ZNF185: variants seen among roughly 807,000 people sequenced by gnomAD.
ZNF185 encodes the protein zinc finger protein 185.
ZNF185 carries 56 observed loss-of-function variants against 58.6 expected under a neutral mutation model. That is an observed-to-expected ratio of 0.95 (90% CI 0.77 to 1.19). The LOEUF (loss-of-function observed/expected upper bound fraction) is 1.19. ZNF185 is among the 50% of genes most tolerant of loss of function. The pLI, the probability that ZNF185 is intolerant of heterozygous loss-of-function variation, is 0.00. For synonymous variants in ZNF185, 230 were observed against 215.9 expected (o/e 1.07, Z -0.57); for missense variants, 627 against 573.5 (o/e 1.09, Z -0.95).
At chrX:152,964,988 C>T (rs1216383133) in intron 18 of ZNF185, among the ~76,000 whole-genome samples, 1 of 111,617 alleles carries the variant, frequency 9.0e-6, no homozygotes, top group East Asian at 2.8e-4. Flanking sequence ...GTGGAGATTG[C>T]ACAGTAGCTG....
the ZNF185 span, among the ~76,000 whole-genome samples, chrX:152,900,825 C>T: frequency 8.9e-6 from 1 of 112,494 alleles, no homozygotes; most frequent in Non-Finnish European, 1.9e-5. Flanking sequence ...TGGGTTCAAA[C>T]CCCAGCTCAG....
At chrX:152,931,816 A>T (rs782779909) in intron 13 of ZNF185, 40 bp downstream of exon 14, 1 of 1,107,368 alleles carries the variant, frequency 9.0e-7, no homozygotes. Context: ...TTCCCAGAAC[A>T]CGGAGCCCAC....
rs1403968313 is a variant in ZNF185 at position 152,969,363 on chromosome X, A to G, written c.1872-19A>G. On this transcript the variant is annotated intron_variant, in intron 20 of 22. Coordinates refer to ENST00000449285, the Ensembl canonical transcript of ZNF185. The stretch of plus-strand genomic sequence containing the variant: ...TGTACACCAGCCTGACCACCGGGTT[A>G]TTGTTCTTCATCTCACAGGACAACT... 2 of 1,179,068 alleles carry G rather than the reference A, an allele frequency of 1.7e-6. No homozygotes were observed. The highest frequency in any genetic ancestry group is 1.8e-5 in the African/African-American group (1 of 56,539).
intron 16 of ZNF185, among the ~76,000 whole-genome samples, chrX:152,950,694 G>C (rs1007515852): frequency 9.0e-6 from 1 of 111,575 alleles, no homozygotes; most frequent in Admixed American, 9.6e-5. Flanking sequence ...TTTTCCAGAA[G>C]GTCCCTGGCA....
chrX:152,939,745 C>T (rs2046936148), intron 15 of ZNF185, among the ~76,000 whole-genome samples: 2 of 103,226 alleles, frequency 1.9e-5, no homozygotes, highest in Non-Finnish European at 3.9e-5. Flanking sequence ...CTACTTTCCT[C>T]TGATGTTTAA....
Position 152,952,839 on chromosome X carries a change from T to C in ZNF185, c.1410-6860T>C, listed in dbSNP as rs1413545978. Among the ~76,000 whole-genome samples the C allele has an allele frequency of 4.6e-5, 5 of 109,260 alleles. No individual in the cohort carries two copies. In the East Asian group the frequency reaches 1.4e-3, roughly 31 times the overall value. The allele number at this position is 109,260 out of a possible 115,157, so 94.9% of individuals were successfully genotyped here. A position where few individuals can be genotyped will look rare whatever the true frequency, so the allele number is the denominator to read the frequency against. On this transcript the variant is annotated intron_variant, in intron 16 of 22. Coordinates refer to ENST00000449285, the Ensembl canonical transcript of ZNF185. Reference sequence around the variant, plus strand: ...ATTACCCTTCGTGATTACTTTTTTTTTTTTTTTTTGCCAGTTTTGGAAATA... The same window carrying C: ...ATTACCCTTCGTGATTACTTTTTTTCTTTTTTTTTGCCAGTTTTGGAAATA...
intron 7 of ZNF185, among the ~76,000 whole-genome samples, chrX:152,919,354 C>T (rs782661235): frequency 9.0e-6 from 1 of 111,049 alleles, no homozygotes; most frequent in Non-Finnish European, 1.9e-5. Context: ...TGTGGAGGCT[C>T]TTCAGGGCTC....
At chrX:152,932,237 C>T (rs1310975076) in intron 13 of ZNF185, among the ~76,000 whole-genome samples, 1 of 112,457 alleles carries the variant, frequency 8.9e-6, no homozygotes, top group Non-Finnish European at 1.9e-5. Flanking sequence ...GAGCATGTAG[C>T]GGAGACTTTC....
chrX:152,963,977 A>T (rs1367536577), intron 18 of ZNF185, 28 bp downstream of exon 20: 1 of 1,177,285 alleles, frequency 8.5e-7, no homozygotes, highest in African/African-American at 1.8e-5. Flanking sequence ...GCAACCTGGG[A>T]GATGTTCCTC....
At chrX:152,933,446 C>T (rs1176959709) in intron 14 of ZNF185, among the ~76,000 whole-genome samples, 1 of 112,198 alleles carries the variant, frequency 8.9e-6, no homozygotes, top group Non-Finnish European at 1.9e-5. Flanking sequence ...GGCAGCTCTG[C>T]TCTGAGGTTC....
intron 16 of ZNF185, among the ~76,000 whole-genome samples, chrX:152,959,134 A>G (rs1213355738): frequency 8.9e-6 from 1 of 112,436 alleles, no homozygotes; most frequent in African/African-American, 3.2e-5. Context: ...GAAATTTTGG[A>G]TTCTCCTGGC....
At chrX:152,950,303 A>G (rs1225583774) in intron 16 of ZNF185, among the ~76,000 whole-genome samples, 2 of 112,239 alleles carry the variant, frequency 1.8e-5, no homozygotes, top group East Asian at 5.5e-4. Context: ...AATAAAATCA[A>G]ATTGGCAGTT....
chrX:152,942,623 A>G (rs1230387736), intron 15 of ZNF185, among the ~76,000 whole-genome samples: 2 of 112,234 alleles, frequency 1.8e-5, no homozygotes, highest in East Asian at 2.8e-4. Flanking sequence ...ACATGACACG[A>G]TATCTCATCT....
chrX:152,931,830 C>A (rs1942036205), intron 13 of ZNF185, 54 bp downstream of exon 14: 23 of 1,058,644 alleles, frequency 2.2e-5, no homozygotes, highest in Middle Eastern at 7.3e-4. Flanking sequence ...AGCCCACATA[C>A]ACCCAGCTGA....
chrX:152,907,198 G>C, the ZNF185 span, among the ~76,000 whole-genome samples: 1 of 112,104 alleles, frequency 8.9e-6, no homozygotes, highest in African/African-American at 3.2e-5. Flanking sequence ...TCCAGCACCT[G>C]CGTCATTGCC....
intron 11 of ZNF185, among the ~76,000 whole-genome samples, chrX:152,927,504 G>A (rs1364110380): frequency 1.8e-5 from 2 of 111,358 alleles, no homozygotes; most frequent in East Asian, 5.7e-4. Context: ...TAAAGTGCCA[G>A]TCTGAACCTA....
chrX:152,924,411 G>T (rs549230927), intron 11 of ZNF185, among the ~76,000 whole-genome samples: 1 of 110,999 alleles, frequency 9.0e-6, no homozygotes, highest in South Asian at 3.9e-4. Context: ...ATGAGCCACC[G>T]CGCCCAGACC....
intron 1 of ZNF185, 55 bp from the exon 3 acceptor site, chrX:152,914,655 C>T (rs781958426): frequency 1.0e-4 from 122 of 1,179,655 alleles, no homozygotes; most frequent in Admixed American, 1.2e-4. Flanking sequence ...GAAAGGAGGT[C>T]GAGGGTCCTG....
chrX:152,905,039 C>T, the ZNF185 span, among the ~76,000 whole-genome samples: 1 of 112,892 alleles, frequency 8.9e-6, no homozygotes, highest in South Asian at 3.6e-4. Context: ...TCCTTGGACT[C>T]CTCGTCAGTA....
Sources: allele counts gnomAD v4.1 joint callset (sites outside exome capture counted in the v4.1 genomes callset), GRCh38; gene constraint gnomAD v4.1.1; transcripts MANE v1.5; gene names NCBI Gene and HGNC (gene_info 2026-07-23, HGNC 2026-07-21).